The following KLHL15 variants were observed in gnomAD, a reference collection of about 807,000 sequenced individuals.
KLHL15 encodes the protein kelch like family member 15.
Under a neutral mutation model 29.3 loss-of-function variants are expected in KLHL15, and 1 was observed. That is an observed-to-expected ratio of 0.03 (90% confidence interval 0.01 to 0.16). The LOEUF is 0.16. KLHL15 is among the 10% of genes least tolerant of loss of function. The pLI is 1.00. For synonymous variants in KLHL15, 212 were observed against 184.5 expected (o/e 1.15, Z -1.21); for missense variants, 215 against 478.5 (o/e 0.45, Z 5.14).
Position 23,989,008 on chromosome X carries a change from C to T in KLHL15, c.728G>A (p.Arg243Lys). 1 of 1,202,222 alleles carries T rather than the reference C, an allele frequency of 8.3e-7. No individual in the cohort carries two copies. Among genetic ancestry groups the T allele is most frequent in the Non-Finnish European group, 1.1e-6 (1 of 891,143 alleles). Residue 243 changes from arginine (R) to lysine (K), a missense_variant, in exon 4 of 4, where the codon AGA becomes AAA. Coordinates refer to ENST00000328046, the MANE Select transcript of KLHL15 (RefSeq NM_030624.3). ...TTCGTAACGGAGCTGTCGGGAGTAT[C>T]TATAAAATTCTGATGTCTTAACCTA... is the stretch of plus-strand genomic sequence containing the variant. ...FEKVKTSEFYRYSRQLRYEVD... is the reference protein window; with the variant it reads ...FEKVKTSEFYKYSRQLRYEVD...
At chrX:24,003,760 C>T (rs953322179) in intron 3 of KLHL15, among the ~76,000 whole-genome samples, 3 of 105,622 alleles carry the variant, frequency 2.8e-5, no homozygotes, top group Non-Finnish European at 5.8e-5. Flanking sequence ...TTGGCCTCTT[C>T]GATGATGGTC....
In KLHL15 at chrX:24,002,072, G is replaced by A. The variant is rs1488302642; in HGVS notation, c.705+3917C>T. Among the ~76,000 whole-genome samples the A allele has an allele frequency of 2.7e-5, 3 of 110,080 alleles. No individual in the cohort carries two copies. In the East Asian group the frequency reaches 8.5e-4, roughly 31 times the overall value. On this transcript the variant is annotated intron_variant, in intron 3 of 3. Coordinates refer to ENST00000328046, the MANE Select transcript of KLHL15 (RefSeq NM_030624.3). The stretch of plus-strand genomic sequence containing the variant: ...GGCGTGAACCCGGCAGGTGGAGCTT[G>A]CAGTGAGCTGAGATCGCGCCACTGT...
intron 3 of KLHL15, among the ~76,000 whole-genome samples, chrX:24,002,907 C>T (rs940718052): frequency 3.5e-5 from 4 of 112,835 alleles, no homozygotes; most frequent in Non-Finnish European, 7.5e-5. Context: ...GGATTATAGG[C>T]GTAAACCACC....
chrX:23,985,211 G>A lies in KLHL15; in HGVS notation c.*2710C>T, dbSNP rs1928964187. 1 of 111,319 alleles carries A rather than the reference G, an allele frequency of 9.0e-6. No individual in the cohort carries two copies. The highest frequency in any genetic ancestry group is 1.9e-5 in the Non-Finnish European group (1 of 53,009). The allele number at this position is 111,319 out of a possible 1,213,427, so 9.2% of individuals were successfully genotyped here. Reference sequence around the variant, plus strand: ...ATAAAGTGAAAACAACACGCATAAAGGTCATAACAGTTAAACTGTATAGAT... The same window carrying A: ...ATAAAGTGAAAACAACACGCATAAAAGTCATAACAGTTAAACTGTATAGAT... On this transcript the variant is annotated 3_prime_UTR_variant, in exon 4 of 4. Coordinates refer to ENST00000328046, the MANE Select transcript of KLHL15 (RefSeq NM_030624.3).
chrX:24,006,212 T>G lies in KLHL15; in HGVS notation c.482A>C (p.Asn161Thr). ...AGGCCTAGACATGAGTGGCACAAAG[T>G]TGTCTAGCAGAAAGGTGTCTAACTT... ...REKLDTFLLD[N>T]FVPLMSRPDF... The change falls in exon 3 of 4, where the codon AAC becomes ACC. Residue 161 changes from asparagine (N) to threonine (T), a missense_variant. Transcript: ENST00000328046. 1.7e-6 allele frequency: 2 copies of G among 1,211,086 alleles called. No homozygotes were observed. The highest frequency in any genetic ancestry group is 2.2e-6 in the Non-Finnish European group (2 of 895,115).
At chrX:24,001,406 T>C (rs1379961356) in intron 3 of KLHL15, among the ~76,000 whole-genome samples, 2 of 111,743 alleles carry the variant, frequency 1.8e-5, no homozygotes, top group African/African-American at 6.5e-5. Flanking sequence ...GAAGATACCC[T>C]GGGTTCAAAA....
intron 3 of KLHL15, among the ~76,000 whole-genome samples, chrX:24,002,888 A>G (rs896813681): frequency 8.9e-6 from 1 of 112,468 alleles, no homozygotes; most frequent in Admixed American, 9.4e-5. Context: ...TAGGATTCCC[A>G]AAGTGCTGGG....
chrX:24,012,046 C>A (rs1271958151), intron 2 of KLHL15, among the ~76,000 whole-genome samples: 1 of 109,296 alleles, frequency 9.1e-6, no homozygotes, highest in African/African-American at 3.3e-5. Context: ...CTACTCAGGT[C>A]GGGGGAGGCT....
intron 3 of KLHL15, among the ~76,000 whole-genome samples, chrX:23,994,711 A>T (rs1352409549): frequency 8.9e-6 from 1 of 112,300 alleles, no homozygotes; most frequent in Non-Finnish European, 1.9e-5. Flanking sequence ...TAAAGCTTGG[A>T]AAGAATGTTA....
At chrX:24,007,505 AAAAAT>A (rs1444437241) in intron 2 of KLHL15, among the ~76,000 whole-genome samples, 19 of 56,463 alleles carry the variant, frequency 3.4e-4, no homozygotes, top group African/African-American at 1.5e-3. Flanking sequence ...AAAAAAAAAA[AAAAAT>A]ATATATATAT....
At position 23,985,152 on chromosome X, in the gene KLHL15, A is replaced by T. The variant is rs1227556160; in HGVS notation, c.*2769T>A. ...TCTAATTAAGATGTAATTAATGAAG[A>T]TCAGCTATTTTTGTGAACTCTGGCA... On this transcript the variant is annotated 3_prime_UTR_variant, in exon 4 of 4. Coordinates refer to ENST00000328046, the MANE Select transcript of KLHL15 (RefSeq NM_030624.3). The T allele has an allele frequency of 8.9e-6, 1 of 112,018 alleles. No homozygotes were observed. Among genetic ancestry groups the T allele is most frequent in the Non-Finnish European group, 1.9e-5 (1 of 53,194 alleles). The allele number at this position is 112,018 out of a possible 1,213,427, so 9.2% of individuals were successfully genotyped here.
chrX:23,986,076 G>A lies in KLHL15; in HGVS notation c.*1845C>T, dbSNP rs1165930196. 9.2e-6 allele frequency: 1 copy of A among 108,524 alleles called. No homozygotes were observed. The highest frequency in any genetic ancestry group is 1.0e-4 in the Admixed American group (1 of 10,016). 8.9% of individuals were successfully genotyped at this position (108,524 alleles called of 1,213,427 possible). Reference sequence around the variant, plus strand: ...TCATATATAAAATAAGATTATTATTGATTTTTGAAATCAATGCCAATGGTT... The same window carrying A: ...TCATATATAAAATAAGATTATTATTAATTTTTGAAATCAATGCCAATGGTT... On this transcript the variant is annotated 3_prime_UTR_variant, in exon 4 of 4. Transcript: ENST00000328046.
At chrX:24,025,700 C>T (rs1929917235) in intron 1 of KLHL15, among the ~76,000 whole-genome samples, 1 of 43,298 alleles carries the variant, frequency 2.3e-5, no homozygotes, top group African/African-American at 9.1e-5. Flanking sequence ...GCCACGGGAG[C>T]GGGAGCGGGT....
chrX:24,019,176 A>G (rs766430729), intron 2 of KLHL15, among the ~76,000 whole-genome samples: 2 of 112,009 alleles, frequency 1.8e-5, no homozygotes, highest in African/African-American at 6.5e-5. Context: ...AAACAATGCC[A>G]CTCTTTTCAC....
At position 24,014,155 on chromosome X, in the gene KLHL15, G is replaced by A. The variant is rs139519721; in HGVS notation, c.-7-7455C>T. 3.5e-3 allele frequency among the ~76,000 whole-genome samples: 386 copies of A among 110,488 alleles called. 1 individual carries two copies. The highest frequency in any genetic ancestry group is 6.1e-3 in the Non-Finnish European group (321 of 52,844). On this transcript the variant is annotated intron_variant, in intron 2 of 3. Coordinates refer to ENST00000328046, the MANE Select transcript of KLHL15 (RefSeq NM_030624.3). The stretch of plus-strand genomic sequence containing the variant: ...ATGCACCTACAGTCTCAGCTACTCA[G>A]GAGGCTGAGGCAGGAATTTCAGGCT...
In KLHL15 at chrX:23,988,068, G is replaced by A; in HGVS notation, c.1668C>T (p.Tyr556=). 7 of 1,211,328 alleles carry A rather than the reference G, an allele frequency of 5.8e-6. No homozygotes were observed. Among genetic ancestry groups the A allele is most frequent in the Non-Finnish European group, 7.8e-6 (7 of 895,274 alleles). The change falls in exon 4 of 4, where the codon TAC becomes TAT. Residue 556 remains tyrosine (Y), a synonymous_variant. Coordinates refer to ENST00000328046, the MANE Select transcript of KLHL15 (RefSeq NM_030624.3). ...VLGGLCYNGH[Y]SDSILTFDPD... is the part of the protein sequence containing the mutation. ...GATCAAAAGTGAGGATGGAATCGCT[G>A]TAATGACCATTATAACAAAGGCCTC... is the stretch of plus-strand genomic sequence containing the variant.
At chrX:24,001,659 C>T (rs939965836) in intron 3 of KLHL15, among the ~76,000 whole-genome samples, 1 of 107,147 alleles carries the variant, frequency 9.3e-6, no homozygotes, top group African/African-American at 3.4e-5. Context: ...CAAAAATTAG[C>T]AGGGCGTGAT....
At chrX:24,018,618 G>A (rs1470951503) in intron 2 of KLHL15, among the ~76,000 whole-genome samples, 1 of 111,093 alleles carries the variant, frequency 9.0e-6, no homozygotes, top group Non-Finnish European at 1.9e-5. Context: ...GCATGATCTG[G>A]GGACAAGTGA....
At chrX:24,022,707 C>T in intron 2 of KLHL15, among the ~76,000 whole-genome samples, 1 of 106,335 alleles carries the variant, frequency 9.4e-6, no homozygotes. Context: ...TTCTGTATCT[C>T]TCAACTGTTT....
Sources: gnomAD v4.1 joint callset for allele counts (sites outside exome capture counted in the v4.1 genomes callset) on GRCh38, gnomAD v4.1.1 for gene constraint, MANE v1.5 for transcripts, NCBI Gene and HGNC (gene_info 2026-07-23, HGNC 2026-07-21) for gene names.